PSMB8: variants seen among roughly 807,000 people sequenced by gnomAD.
PSMB8 encodes the protein proteasome subunit beta type-8.
PSMB8 carries 20 observed loss-of-function variants against 32.3 expected under a neutral mutation model. The observed-to-expected ratio is 0.62, with a 90% CI of 0.44 to 0.90. The LOEUF (loss-of-function observed/expected upper bound fraction) is 0.90, where lower values mean the gene tolerates loss of function less well. PSMB8 is among the 40% of genes least tolerant of loss of function. The pLI, the probability that PSMB8 is intolerant of heterozygous loss-of-function variation, is 0.00. For synonymous variants in PSMB8, 131 were observed against 135.4 expected (o/e 0.97, Z 0.23); for missense variants, 342 against 365.4 (o/e 0.94, Z 0.52).
rs1266137165 is a variant in PSMB8, at chr6:32,841,019, C to A, written c.771G>T (p.Val257=). 6.2e-7 allele frequency: 1 copy of A among 1,613,192 alleles called. No homozygotes were observed. The highest frequency in any genetic ancestry group is 8.5e-7 in the Non-Finnish European group (1 of 1,179,270). The change falls in exon 6 of 6, where the codon GTG becomes GTT. Residue 257 remains valine, a synonymous_variant. Coordinates refer to ENST00000374882, the MANE Select transcript of PSMB8 (RefSeq NM_148919.4). ...NMYHMKEDGW[V]KVESTDVSDL... is the part of the protein sequence containing the mutation. ...CACTGACATCTGTACTTTCTACTTT[C>A]ACCCAACCATCTTCCTTCATGTGGT...
chr6:32,842,397 A>G, intron 3 of PSMB8, 134 bp from the exon 4 acceptor site: 1 of 1,283,788 alleles, frequency 7.8e-7, no homozygotes, highest in Non-Finnish European at 1.1e-6. Context: ...AAGATTTGGA[A>G]TTTAAAGTAT....
chr6:32,841,641 A>C lies in PSMB8; in HGVS notation c.632T>G (p.Met211Arg). 1 of 1,613,042 alleles carries C rather than the reference A, an allele frequency of 6.2e-7. No homozygotes were observed. Among genetic ancestry groups the C allele is most frequent in the Non-Finnish European group, 8.5e-7 (1 of 1,180,034 alleles). The change falls in exon 5 of 6, where the codon ATG becomes AGG. Residue 211 changes from methionine (M) to arginine (R), a missense_variant. Transcript: ENST00000374882. The part of the protein sequence containing the change: ...GSGNTYAYGV[M>R]DSGYRPNLSP... ...AAGATTAGGCCGATAGCCACTGTCC[A>C]TGACCCCGTAGGCATAAGTGTTCCC... is the stretch of plus-strand genomic sequence containing the variant.
intron 1 of PSMB8, 138 bp downstream of exon 1, chr6:32,843,712 G>A (rs1176187256): frequency 3.9e-6 from 4 of 1,036,956 alleles, no homozygotes; most frequent in Non-Finnish European, 5.8e-6. Context: ...TCTTCTTTGG[G>A]TCTGGCGCTC....
At position 32,843,843 on chromosome 6, in the gene PSMB8, C is replaced by T. The variant is rs765812105; in HGVS notation, c.147+7G>A. The T allele has an allele frequency of 1.2e-6, 2 of 1,612,692 alleles. No individual in the cohort carries two copies. Among genetic ancestry groups the T allele is most frequent in the Non-Finnish European group, 1.7e-6 (2 of 1,180,004 alleles). ...TGCATCCCTAGGGGCTTCCCTACTG[C>T]CCCGACCTGCATTCCCCGGGGTAAA... On this transcript the variant is annotated splice_region_variant and intron_variant, in intron 1 of 5. Transcript: ENST00000374882.
chr6:32,843,967 G>A lies in PSMB8; in HGVS notation c.30C>T (p.Pro10=). 6.2e-7 allele frequency: 1 copy of A among 1,612,418 alleles called. No individual in the cohort carries two copies. The highest frequency in any genetic ancestry group is 8.5e-7 in the Non-Finnish European group (1 of 1,179,836). ...GAGCCGATTCCGGCCGCTGCCCTCGGGGGGCTCCGCATACATCTAGTAGCG... is the reference window on the plus strand; with the variant it reads ...GAGCCGATTCCGGCCGCTGCCCTCGAGGGGCTCCGCATACATCTAGTAGCG... The part of the protein sequence containing the change: MALLDVCGA[P]RGQRPESALP... Residue 10 remains proline, a synonymous_variant, in exon 1 of 6, where the codon CCC becomes CCT. Transcript: ENST00000374882.
intron 1 of PSMB8, 119 bp from the exon 2 acceptor site, chr6:32,843,208 A>C (rs1167596646): frequency 8.6e-7 from 1 of 1,165,224 alleles, no homozygotes; most frequent in Non-Finnish European, 1.3e-6. Context: ...AACCATCAAT[A>C]AATGAAACAG....
At chr6:32,842,410 G>A (rs1769970045) in intron 3 of PSMB8, 147 bp from the exon 4 acceptor site, 7 of 1,214,918 alleles carry the variant, frequency 5.8e-6, no homozygotes, top group African/African-American at 1.5e-5. Flanking sequence ...TAAAGTATCT[G>A]AAACATACAA....
At position 32,842,127 on chromosome 6, in the gene PSMB8, C is replaced by T; in HGVS notation, c.537+7G>A. ...GTGGGGGAACATGAAGAATGGAGAG[C>T]ACCCACCTTCTTATCCCAGCCACAG... On this transcript the variant is annotated splice_region_variant and intron_variant, in intron 4 of 5. Transcript: ENST00000374882. 6.2e-7 allele frequency: 1 copy of T among 1,613,122 alleles called. No individual in the cohort carries two copies. The highest frequency in any genetic ancestry group is 8.5e-7 in the Non-Finnish European group (1 of 1,180,044).
In PSMB8 at chr6:32,841,486, C is replaced by T. The variant is rs375154990; in HGVS notation, c.742+45G>A. On this transcript the variant is annotated intron_variant, in intron 5 of 5. Coordinates refer to ENST00000374882, the MANE Select transcript of PSMB8 (RefSeq NM_148919.4). Reference sequence around the variant, plus strand: ...ATCTTAAATCACCCCCCCCACCACCCGCCGACTCCTCCCAGGCATGGTGGT... The same window carrying T: ...ATCTTAAATCACCCCCCCCACCACCTGCCGACTCCTCCCAGGCATGGTGGT... 1.6e-4 allele frequency: 261 copies of T among 1,587,662 alleles called. No homozygotes were observed. In the African/African-American group the frequency reaches 3.0e-3, roughly 18 times the overall value.
intron 3 of PSMB8, 123 bp downstream of exon 3, chr6:32,842,549 G>T: frequency 9.9e-7 from 1 of 1,011,362 alleles, no homozygotes; most frequent in Non-Finnish European, 1.5e-6. Flanking sequence ...CCAAAAAGCT[G>T]TTTTGTGAAA....
At position 32,840,796 on chromosome 6, in the gene PSMB8, A is replaced by G. The variant is rs1195062685; in HGVS notation, c.*163T>C. 1 of 647,132 alleles carries G rather than the reference A, an allele frequency of 1.5e-6. No homozygotes were observed. Among genetic ancestry groups the G allele is most frequent in the Admixed American group, 2.5e-5 (1 of 39,634 alleles). The allele number at this position is 647,132 out of a possible 1,614,324, so 40.1% of individuals were successfully genotyped here. A position where few individuals can be genotyped will look rare whatever the true frequency, so the allele number is the denominator to read the frequency against. Reference sequence around the variant, plus strand: ...GGGGGAAATGCTTGTTCAAATAGAGAACACGCAGAAGATGCACTTCACCGG... The same window carrying G: ...GGGGGAAATGCTTGTTCAAATAGAGGACACGCAGAAGATGCACTTCACCGG... On this transcript the variant is annotated 3_prime_UTR_variant, in exon 6 of 6. Coordinates refer to ENST00000374882, the MANE Select transcript of PSMB8 (RefSeq NM_148919.4).
chr6:32,842,372 T>C (rs1436112602), intron 3 of PSMB8, 109 bp from the exon 4 acceptor site: 2 of 1,412,796 alleles, frequency 1.4e-6, no homozygotes, highest in Non-Finnish European at 2.0e-6. Flanking sequence ...TTTTGTAGGA[T>C]CTAAAGATCA....
At chr6:32,844,324 G>T (rs1770173840), upstream of PSMB8, 1 of 1,613,974 alleles carries the variant, frequency 6.2e-7, no homozygotes, top group East Asian at 2.2e-5. Flanking sequence ...GTAGGGTCGT[G>T]TCATCTAAAG....
In PSMB8 at chr6:32,844,000, C is replaced by G. The variant is rs772424859; in HGVS notation, c.-4G>C. On this transcript the variant is annotated 5_prime_UTR_variant, in exon 1 of 6. Coordinates refer to ENST00000374882, the MANE Select transcript of PSMB8 (RefSeq NM_148919.4). ...CGCATACATCTAGTAGCGCCATGAC[C>G]GCCCAGCACCCAGAGATCTGTCCGC... is the stretch of plus-strand genomic sequence containing the variant. 1.2e-6 allele frequency: 2 copies of G among 1,610,658 alleles called. No individual in the cohort carries two copies. Among genetic ancestry groups the G allele is most frequent in the South Asian group, 1.1e-5 (1 of 90,982 alleles).
In PSMB8 at chr6:32,842,212, C is replaced by T; in HGVS notation, c.459G>A (p.Lys153=). 1 of 1,613,156 alleles carries T rather than the reference C, an allele frequency of 6.2e-7. No individual in the cohort carries two copies. Among genetic ancestry groups the T allele is most frequent in the Non-Finnish European group, 8.5e-7 (1 of 1,180,048 alleles). The change falls in exon 4 of 6, where the codon AAG becomes AAA. Residue 153 remains lysine, a synonymous_variant. Transcript: ENST00000374882. ...ACTGGCACATCATGTTGGACAGCAG[C>T]TTGGAGGCTGCCGACACTGAAATAC... is the stretch of plus-strand genomic sequence containing the variant. ...GERISVSAAS[K]LLSNMMCQYR...
chr6:32,841,037 C>T lies in PSMB8; in HGVS notation c.753G>A (p.Met251Ile). ...YSGGVVNMYH[M>I]KEDGWVKVES... The stretch of plus-strand genomic sequence containing the variant: ...CTACTTTCACCCAACCATCTTCCTT[C>T]ATGTGGTACACTGTGGACAAATGAG... Residue 251 changes from methionine (M) to isoleucine (I), a missense_variant, in exon 6 of 6, where the codon ATG (methionine) becomes ATA (isoleucine). Transcript: ENST00000374882. The T allele has an allele frequency of 6.2e-7, 1 of 1,611,172 alleles. No individual in the cohort carries two copies. The highest frequency in any genetic ancestry group is 8.5e-7 in the Non-Finnish European group (1 of 1,177,256).
chr6:32,843,339 A>G (rs1338190881), intron 1 of PSMB8, among the ~76,000 whole-genome samples: 2 of 152,182 alleles, frequency 1.3e-5, no homozygotes, highest in Non-Finnish European at 2.9e-5. Flanking sequence ...TACCATTACT[A>G]AAAAATTTTG....
upstream of PSMB8, chr6:32,844,322 G>C: frequency 6.2e-7 from 1 of 1,613,876 alleles, no homozygotes; most frequent in Non-Finnish European, 8.5e-7. Context: ...GGGTAGGGTC[G>C]TGTCATCTAA....
intron 3 of PSMB8, 84 bp from the exon 4 acceptor site, chr6:32,842,347 A>G (rs56077117): frequency 0.017 from 26,370 of 1,514,448 alleles, 266 homozygotes; most frequent in Non-Finnish European, 0.02. Context: ...AGAGATAAGC[A>G]TTGGAAAGGA....
Sources: gnomAD v4.1 joint callset for allele counts (sites outside exome capture counted in the v4.1 genomes callset) on GRCh38, gnomAD v4.1.1 for gene constraint, MANE v1.5 for transcripts, NCBI Gene and HGNC (gene_info 2026-07-23, HGNC 2026-07-21) for gene names.